WDR59: variants seen among roughly 807,000 people sequenced by gnomAD.
The protein encoded by WDR59 is GATOR2 complex protein WDR59.
In WDR59, 100 loss-of-function variants were observed where a neutral mutation model predicts 131.2. The observed-to-expected ratio is 0.76, with a 90% confidence interval of 0.65 to 0.90. WDR59 has a LOEUF of 0.90. WDR59 is among the 40% of genes least tolerant of loss of function. The probability of loss-of-function intolerance (pLI) is 0.00; values close to 1 mark genes in which losing one functional copy is unlikely to be tolerated. For synonymous variants in WDR59, 601 were observed against 466.2 expected (o/e 1.29, Z -3.72); for missense variants, 1,203 against 1,262.2 (o/e 0.95, Z 0.71).
chr16:74,953,079 C>T (rs2033094617), intron 3 of WDR59, among the ~76,000 whole-genome samples: 1 of 152,092 alleles, frequency 6.6e-6, no homozygotes, highest in African/African-American at 2.4e-5. Context: ...ATAGATGAGG[C>T]AAGCAAGGCT....
rs371681374 is a variant in WDR59, at chr16:74,984,922, G to A, written c.54+42C>T. 2.5e-6 allele frequency: 4 copies of A among 1,592,880 alleles called. No homozygotes were observed. In the African/African-American group the frequency reaches 4.0e-5, roughly 16 times the overall value. The stretch of plus-strand genomic sequence containing the variant: ...AGCCGCGTGGGGGAGGGGAAGCGGG[G>A]AGGACGCATGCCCAGAGGGCTCCAC... On this transcript the variant is annotated intron_variant, in intron 1 of 25. Coordinates refer to ENST00000262144, the MANE Select transcript of WDR59 (RefSeq NM_030581.4).
chr16:74,891,245 T>C (rs962714718), intron 20 of WDR59, among the ~76,000 whole-genome samples: 2 of 152,122 alleles, frequency 1.3e-5, no homozygotes, highest in African/African-American at 4.8e-5. Flanking sequence ...GATATGGACT[T>C]TGAATCAAGG....
At position 74,956,700 on chromosome 16, in the gene WDR59, T is replaced by A. The variant is rs2033310106; in HGVS notation, c.105-90A>T. 15 of 1,493,570 alleles carry A rather than the reference T, an allele frequency of 1.0e-5. No homozygotes were observed. The South Asian group carries it at 1.8e-4, about 18-fold the overall frequency. The allele number at this position is 1,493,570 out of a possible 1,614,324, so 92.5% of individuals were successfully genotyped here. On this transcript the variant is annotated intron_variant, in intron 2 of 25. Coordinates refer to ENST00000262144, the MANE Select transcript of WDR59 (RefSeq NM_030581.4). ...AGCACAATTGGAATTGCATACAATT[T>A]GCAAGCAGTGCTCCAAAAAACCCAA...
intron 17 of WDR59, among the ~76,000 whole-genome samples, chr16:74,906,079 C>T (rs1312321938): frequency 1.3e-5 from 2 of 151,778 alleles, no homozygotes; most frequent in Non-Finnish European, 2.9e-5. Flanking sequence ...CTTTGGGAGG[C>T]CGAGGCAGGC....
At chr16:74,934,127 T>C (rs895202627) in intron 8 of WDR59, among the ~76,000 whole-genome samples, 1 of 152,172 alleles carries the variant, frequency 6.6e-6, no homozygotes, top group Non-Finnish European at 1.5e-5. Context: ...CTCCCTATTA[T>C]CAAATCCACA....
chr16:74,886,518 A>G, intron 23 of WDR59, 122 bp from the exon 24 acceptor site: 1 of 1,318,414 alleles, frequency 7.6e-7, no homozygotes, highest in Non-Finnish European at 1.0e-6. Flanking sequence ...AGCGAGGCTG[A>G]ATATTCTGAG....
Position 74,925,411 on chromosome 16 carries a change from G to A in WDR59, c.652-1408C>T, listed in dbSNP as rs2030681031. ...ATACAAAAATTAGCTGGGCATGGTG[G>A]CACACACTTGTAGTCCCAGCTACTC... is the stretch of plus-strand genomic sequence containing the variant. On this transcript the variant is annotated intron_variant, in intron 8 of 25. Transcript: ENST00000262144. 1.3e-5 allele frequency among the ~76,000 whole-genome samples: 2 copies of A among 152,000 alleles called. 1 individual carries two copies. Among genetic ancestry groups the A allele is most frequent in the South Asian group, 4.2e-4 (2 of 4,812 alleles).
chr16:74,984,794 G>T, intron 1 of WDR59, 170 bp downstream of exon 1: 1 of 887,064 alleles, frequency 1.1e-6, no homozygotes, highest in Non-Finnish European at 1.7e-6. Context: ...TGCCCCCGAT[G>T]GTCGTCTTCC....
intron 25 of WDR59, among the ~76,000 whole-genome samples, chr16:74,877,354 GA>G: frequency 6.6e-6 from 1 of 152,204 alleles, no homozygotes; most frequent in Middle Eastern, 3.4e-3. Flanking sequence ...CAGTGACGAA[GA>G]AAATGTCAAA....
At chr16:74,969,142 G>C (rs1353910329) in intron 1 of WDR59, among the ~76,000 whole-genome samples, 1 of 152,184 alleles carries the variant, frequency 6.6e-6, no homozygotes, top group East Asian at 1.9e-4. Flanking sequence ...GACTGAGATA[G>C]GATTTCCCAG....
At chr16:74,909,713 C>T (rs1965990213) in intron 15 of WDR59, 56 bp from the exon 16 acceptor site, 2 of 1,551,694 alleles carry the variant, frequency 1.3e-6, no homozygotes, top group Non-Finnish European at 1.7e-6. Context: ...AGCTGAACTA[C>T]AAAATAAAGA....
At chr16:74,939,646 A>G (rs1392713364) in intron 7 of WDR59, among the ~76,000 whole-genome samples, 4 of 152,154 alleles carry the variant, frequency 2.6e-5, no homozygotes, top group Non-Finnish European at 5.9e-5. Flanking sequence ...TATTTTCTAC[A>G]GAGAGCATGT....
At position 74,916,176 on chromosome 16, in the gene WDR59, G is replaced by A. The variant is rs200352620; in HGVS notation, c.1050C>T (p.His350=). Reference sequence around the variant, plus strand: ...TGTGCTGGTGATCTGTATCTTCAGTGTGCAGGGTCTTCTCAGGTTCCGGCA... The same window carrying A: ...TGTGCTGGTGATCTGTATCTTCAGTATGCAGGGTCTTCTCAGGTTCCGGCA... ...SLLPEPEKTL[H]TEDTDHQHTA... The change falls in exon 12 of 26, where the codon CAC becomes CAT. Residue 350 remains histidine (H), a synonymous_variant. Transcript: ENST00000262144. 7.4e-6 allele frequency: 12 copies of A among 1,614,144 alleles called. No individual in the cohort carries two copies. In the Admixed American group the frequency reaches 2.0e-4, roughly 27 times the overall value.
intron 17 of WDR59, 70 bp downstream of exon 17, chr16:74,908,838 G>A (rs1381832971): frequency 3.8e-6 from 5 of 1,332,860 alleles, no homozygotes; most frequent in Non-Finnish European, 5.4e-6. Flanking sequence ...AAACTCAGTG[G>A]TCCTTCCCAG....
chr16:74,962,552 G>A (rs760773173), intron 2 of WDR59, among the ~76,000 whole-genome samples: 19 of 152,080 alleles, frequency 1.2e-4, no homozygotes, highest in South Asian at 2.1e-4. Context: ...TAACAATTGC[G>A]AATGGGAGTT....
At chr16:74,879,649 A>G (rs1964385546) in intron 25 of WDR59, among the ~76,000 whole-genome samples, 1 of 152,176 alleles carries the variant, frequency 6.6e-6, no homozygotes, top group East Asian at 1.9e-4. Flanking sequence ...TTAACACGTT[A>G]TATACATTGA....
intron 6 of WDR59, among the ~76,000 whole-genome samples, chr16:74,946,252 T>C (rs528251632): frequency 3.3e-5 from 5 of 152,272 alleles, no homozygotes; most frequent in South Asian, 2.1e-4. Context: ...AAAAGAAACA[T>C]AGTATATTTG....
chr16:74,892,631 G>C, intron 19 of WDR59, 66 bp from the exon 20 acceptor site: 2 of 1,299,618 alleles, frequency 1.5e-6, no homozygotes, highest in Non-Finnish European at 2.2e-6. Context: ...ACGACTCCCA[G>C]TTTAACAGAC....
intron 9 of WDR59, 118 bp from the exon 10 acceptor site, chr16:74,922,221 C>A: frequency 7.6e-7 from 1 of 1,321,576 alleles, no homozygotes; most frequent in Non-Finnish European, 1.0e-6. Context: ...TGGAAGGCCC[C>A]AACTCATCTG....
Sources: allele counts gnomAD v4.1 joint callset (sites outside exome capture counted in the v4.1 genomes callset), GRCh38; gene constraint gnomAD v4.1.1; transcripts MANE v1.5; gene names NCBI Gene and HGNC (gene_info 2026-07-23, HGNC 2026-07-21).